Variants in ANXA8 observed in about 807,000 individuals in gnomAD.
The protein encoded by ANXA8 is annexin A8.
In ANXA8, 9 loss-of-function variants were observed where a neutral mutation model predicts 26.8. That is an observed-to-expected ratio of 0.34 (90% CI 0.20 to 0.59). ANXA8 has a LOEUF of 0.59. Ranked by LOEUF, ANXA8 falls within the 20% of genes least tolerant of loss-of-function variation. The pLI is 0.84. For missense variants in ANXA8, 83 were observed against 238.5 expected, an observed-to-expected ratio of 0.35 and a Z score of 4.29; for synonymous variants, 39 against 94.8, an observed-to-expected ratio of 0.41 and a Z score of 3.42.
At chr10:47,736,696 C>G in the ANXA8 span, among the ~76,000 whole-genome samples, 3 of 148,662 alleles carry the variant, frequency 2.0e-5, no homozygotes, top group Non-Finnish European at 3.0e-5. Context: ...ACTCTGTCAC[C>G]CTGGCTGGAG....
chr10:47,982,814 A>ATATATATATATATATATATATG, the ANXA8 span, among the ~76,000 whole-genome samples: 2 of 60,126 alleles, frequency 3.3e-5, no homozygotes, highest in African/African-American at 1.2e-4. Flanking sequence ...ATATATATAT[A>ATATATATATATATATATATATG]TATATATATA....
At chr10:47,663,723 T>C in the ANXA8 span, among the ~76,000 whole-genome samples, 1 of 146,626 alleles carries the variant, frequency 6.8e-6, no homozygotes, top group Non-Finnish European at 1.5e-5. Flanking sequence ...ATTGGTTTCA[T>C]TGGCAGTATT....
the ANXA8 span, among the ~76,000 whole-genome samples, chr10:47,589,912 G>C: frequency 1.4e-5 from 2 of 138,544 alleles, no homozygotes; most frequent in East Asian, 4.0e-4. Context: ...ATGATAGATA[G>C]ATAGATAGAT....
At chr10:47,521,797 G>C in the ANXA8 span, among the ~76,000 whole-genome samples, 36 of 149,466 alleles carry the variant, frequency 2.4e-4, no homozygotes, top group Admixed American at 1.7e-3. Context: ...TTTTTTTTTT[G>C]TGAGACGGAG....
At chr10:47,974,418 T>G in the ANXA8 span, among the ~76,000 whole-genome samples, 2 of 147,676 alleles carry the variant, frequency 1.4e-5, no homozygotes, top group African/African-American at 4.9e-5. Context: ...TAATTTTAGT[T>G]ATTTATTTTC....
the ANXA8 span, among the ~76,000 whole-genome samples, chr10:47,682,143 AG>A: frequency 1.4e-5 from 2 of 143,454 alleles, no homozygotes; most frequent in Non-Finnish European, 3.1e-5. Context: ...CATAGTTTTT[AG>A]ACAAAATTCA....
chr10:47,649,389 T>C, the ANXA8 span, among the ~76,000 whole-genome samples: 1 of 151,526 alleles, frequency 6.6e-6, no homozygotes, highest in Non-Finnish European at 1.5e-5. Flanking sequence ...AGCAAATAGA[T>C]AAATTGGACT....
the ANXA8 span, among the ~76,000 whole-genome samples, chr10:47,556,475 C>T: frequency 1.3e-5 from 2 of 152,036 alleles, no homozygotes; most frequent in South Asian, 2.1e-4. Context: ...GAAAGTGCAA[C>T]TAAGTTTACT....
At chr10:47,715,875 A>C in the ANXA8 span, 2 of 772,866 alleles carry the variant, frequency 2.6e-6, no homozygotes. Context: ...TTTTATATAC[A>C]TAAATTCTGC....
chr10:47,493,800 G>T, the ANXA8 span, among the ~76,000 whole-genome samples: 8 of 136,118 alleles, frequency 5.9e-5, no homozygotes, highest in Non-Finnish European at 1.2e-4. Context: ...GCACTGCCTT[G>T]GTGTGAGCAC....
chr10:47,711,227 C>A, the ANXA8 span, among the ~76,000 whole-genome samples: 3 of 144,530 alleles, frequency 2.1e-5, no homozygotes, highest in Non-Finnish European at 3.0e-5. Context: ...TAAAATATGA[C>A]CCATGATTAC....
the ANXA8 span, chr10:47,491,721 A>T: frequency 1.9e-6 from 3 of 1,544,902 alleles, no homozygotes; most frequent in Non-Finnish European, 2.6e-6. Context: ...GGACTGGCCC[A>T]ACATGCTTTT....
chr10:47,735,467 C>T, the ANXA8 span, among the ~76,000 whole-genome samples: 1 of 148,712 alleles, frequency 6.7e-6, no homozygotes. Flanking sequence ...TGTTATTCTA[C>T]CAACCAAAGC....
At chr10:47,657,094 A>AT in the ANXA8 span, among the ~76,000 whole-genome samples, 1 of 150,470 alleles carries the variant, frequency 6.6e-6, no homozygotes, top group East Asian at 2.0e-4. Context: ...GGCATTTTCT[A>AT]TTCCCTTTCA....
At chr10:47,656,118 TG>T in the ANXA8 span, among the ~76,000 whole-genome samples, 1 of 150,224 alleles carries the variant, frequency 6.7e-6, no homozygotes, top group Non-Finnish European at 1.5e-5. Context: ...CGTTTTAGGC[TG>T]GGTGTGGTGG....
chr10:47,689,680 T>C, the ANXA8 span: 1 of 832,364 alleles, frequency 1.2e-6, no homozygotes, highest in East Asian at 2.6e-5. Context: ...TATATTAATT[T>C]TGGATTTTTC....
the ANXA8 span, among the ~76,000 whole-genome samples, chr10:47,490,661 AC>A: frequency 7.4e-6 from 1 of 135,268 alleles, no homozygotes; most frequent in Admixed American, 7.3e-5. Flanking sequence ...TTTTCTCCCA[AC>A]AGGAATCATA....
chr10:47,970,263 TGGG>T, the ANXA8 span: 1 of 151,502 alleles, frequency 6.6e-6, no homozygotes, highest in Admixed American at 6.6e-5. Flanking sequence ...CTGAGTGCTG[TGGG>T]GAGTGTGGCT....
At chr10:47,487,043 A>G (rs1226131915), upstream of ANXA8, among the ~76,000 whole-genome samples, 1 of 151,482 alleles carries the variant, frequency 6.6e-6, no homozygotes, top group African/African-American at 2.4e-5. Context: ...TACCCAACAC[A>G]TAGTAATACC....
Sources: gnomAD v4.1 joint callset for allele counts (sites outside exome capture counted in the v4.1 genomes callset) on GRCh38, gnomAD v4.1.1 for gene constraint, MANE v1.5 for transcripts, NCBI Gene and HGNC (gene_info 2026-07-23, HGNC 2026-07-21) for gene names.